EXOC3: variants seen among roughly 807,000 people sequenced by gnomAD.
The protein encoded by EXOC3 is exocyst complex component 3.
A neutral mutation model predicts 73.7 loss-of-function variants in EXOC3; 21 were observed. The ratio of observed to expected loss-of-function variants is 0.29; its 90% CI spans 0.20 to 0.41. The LOEUF is 0.41. EXOC3 is among the 10% of genes least tolerant of loss of function. The pLI, the probability that EXOC3 is intolerant of heterozygous loss-of-function variation, is 1.00. For synonymous variants in EXOC3, 410 were observed against 389.1 expected, an observed-to-expected ratio of 1.05 and a Z score of -0.63; for missense variants, 842 against 985.1, an observed-to-expected ratio of 0.85 and a Z score of 1.95.
In EXOC3 at chr5:453,452, G is replaced by A. The variant is rs2672722; in HGVS notation, c.447G>A (p.Glu149=). ...CCCACCGGAAGCTGATGGACCTGGA[G>A]TGCTCCCGGGACGGGCTGATGTACG... ...LQAHRKLMDL[E]CSRDGLMYEQ... Residue 149 remains glutamate, a synonymous_variant, in exon 4 of 13, where the codon GAG becomes GAA. Coordinates refer to ENST00000512944, the MANE Select transcript of EXOC3 (RefSeq NM_007277.5). 0.49 allele frequency: 796,290 copies of A among 1,610,218 alleles called. 200,844 individuals are homozygous for A. Among genetic ancestry groups the A allele is most frequent in the African/African-American group, 0.76 (56,797 of 74,862 alleles).
chr5:465,965 G>C (rs987088451), intron 12 of EXOC3, 120 bp downstream of exon 12: 4 of 1,118,098 alleles, frequency 3.6e-6, no homozygotes, highest in Non-Finnish European at 5.1e-6. Context: ...AGCACGGCAA[G>C]GGTTCAGGTG....
chr5:446,088 C>A, intron 1 of EXOC3, 62 bp from the exon 2 acceptor site: 1 of 1,138,554 alleles, frequency 8.8e-7, no homozygotes, highest in Non-Finnish European at 1.3e-6. Flanking sequence ...CCACTGTGAT[C>A]ACCTGATAGT....
At chr5:465,898 A>G (rs1738133352) in intron 12 of EXOC3, 53 bp downstream of exon 12, 2 of 1,554,490 alleles carry the variant, frequency 1.3e-6, no homozygotes, top group Admixed American at 3.8e-5. Context: ...GTGGAGCGGC[A>G]GGTCCCTCCT....
Position 452,754 on chromosome 5 carries a change from C to T in EXOC3, c.365-616C>T, listed in dbSNP as rs1386301566. 3.3e-5 allele frequency among the ~76,000 whole-genome samples: 5 copies of T among 152,266 alleles called. No homozygotes were observed. In the South Asian group the frequency reaches 6.2e-4, roughly 19 times the overall value. On this transcript the variant is annotated intron_variant, in intron 3 of 12. Coordinates refer to ENST00000512944, the MANE Select transcript of EXOC3 (RefSeq NM_007277.5). ...AGGTCGTGTCAAGTCTTTTCTGAGC[C>T]TATGCCTTTGCCTGGGCATGCATTG...
chr5:458,459 G>A (rs774647180), intron 6 of EXOC3, among the ~76,000 whole-genome samples: 29 of 152,268 alleles, frequency 1.9e-4, no homozygotes, highest in South Asian at 4.1e-4. Context: ...GCTGGAGTGC[G>A]GTAGCACAAT....
chr5:464,910 G>A lies in EXOC3; in HGVS notation c.1777-201G>A, dbSNP rs377365594. On this transcript the variant is annotated intron_variant, in intron 10 of 12. Transcript: ENST00000512944. ...CTGGGGGCCGGAGCTGGCCTGGTGC[G>A]GGGGTCCAGGTCACCGTCACTGTTC... 6.1e-4 allele frequency: 371 copies of A among 612,384 alleles called. 9 individuals carry two copies. In the South Asian group the frequency reaches 7.3e-3, roughly 12 times the overall value. 37.9% of individuals were successfully genotyped at this position (612,384 alleles called of 1,614,324 possible).
chr5:458,538 C>G (rs917267868), intron 6 of EXOC3, among the ~76,000 whole-genome samples: 5 of 152,192 alleles, frequency 3.3e-5, no homozygotes, highest in Admixed American at 3.3e-4. Flanking sequence ...CTTTCCTGTT[C>G]ATTGGTTAAG....
chr5:454,163 C>T, intron 4 of EXOC3, 112 bp downstream of exon 4: 1 of 852,020 alleles, frequency 1.2e-6, no homozygotes, highest in Non-Finnish European at 1.8e-6. Flanking sequence ...GGCAGGTGCT[C>T]CGAGCCCACA....
chr5:465,964 A>AGGGTTCAGGTGCGGCACAGCG, intron 12 of EXOC3, 119 bp downstream of exon 12: 1 of 1,131,430 alleles, frequency 8.8e-7, no homozygotes, highest in South Asian at 1.5e-5. Flanking sequence ...CAGCACGGCA[A>AGGGTTCAGGTGCGGCACAGCG]GGGTTCAGGT....
chr5:459,678 T>C (rs2561664), intron 7 of EXOC3: 364,984 of 424,682 alleles, frequency 0.86, 158,655 homozygotes, highest in African/African-American at 0.91. Context: ...CTCCCAGAGC[T>C]GATGTGTTGT....
intron 7 of EXOC3, among the ~76,000 whole-genome samples, chr5:460,252 A>G (rs1737945924): frequency 6.6e-6 from 1 of 152,204 alleles, no homozygotes; most frequent in African/African-American, 2.4e-5. Flanking sequence ...GCCTCTGGTA[A>G]GCCGAATAGC....
chr5:462,521 A>AT (rs746893402), intron 9 of EXOC3: 591 of 570,406 alleles, frequency 1.0e-3, no homozygotes, highest in Non-Finnish European at 1.4e-3. Context: ...AATTCAGTAG[A>AT]TTCACCCTGT....
chr5:447,489 T>C (rs1326191400), intron 2 of EXOC3, 44 bp from the exon 3 acceptor site: 3 of 1,397,412 alleles, frequency 2.1e-6, no homozygotes, highest in African/African-American at 2.9e-5. Context: ...AGGCAGCGCA[T>C]GGCTATCATT....
intron 7 of EXOC3, among the ~76,000 whole-genome samples, chr5:459,775 G>A (rs1241205780): frequency 1.3e-5 from 2 of 152,206 alleles, no homozygotes; most frequent in African/African-American, 4.8e-5. Flanking sequence ...TTGGGGTGGG[G>A]GTGGCGACTC....
At chr5:465,692 C>T in intron 11 of EXOC3, 26 bp from the exon 12 acceptor site, 1 of 1,613,376 alleles carries the variant, frequency 6.2e-7, no homozygotes. Context: ...CCGAGGGCGG[C>T]TCCTCACATT....
intron 10 of EXOC3, 27 bp downstream of exon 10, chr5:464,439 A>ATCACCTTGG: frequency 1.2e-6 from 2 of 1,610,530 alleles, no homozygotes; most frequent in Non-Finnish European, 1.7e-6. Context: ...TAGTTCCCTC[A>ATCACCTTGG]TCACCTTGAC....
Position 446,141 on chromosome 5 carries a change from C to T in EXOC3, c.-56-9C>T, listed in dbSNP as rs1408697370. Reference sequence around the variant, plus strand: ...CCTAACATTTCTACCGTCCTAACAACTCCTGCAGTGCACAGAGAACACCCC... The same window carrying T: ...CCTAACATTTCTACCGTCCTAACAATTCCTGCAGTGCACAGAGAACACCCC... On this transcript the variant is annotated splice_polypyrimidine_tract_variant and intron_variant, in intron 1 of 12. Transcript: ENST00000512944. 1.3e-6 allele frequency: 2 copies of T among 1,595,820 alleles called. No individual in the cohort carries two copies. The highest frequency in any genetic ancestry group is 2.2e-5 in the East Asian group (1 of 44,762).
chr5:462,141 A>T lies in EXOC3; in HGVS notation c.1503-16A>T. 3.1e-6 allele frequency: 5 copies of T among 1,613,646 alleles called. No homozygotes were observed. The highest frequency in any genetic ancestry group is 4.2e-6 in the Non-Finnish European group (5 of 1,179,696). ...CTGCCCAGCCGCTGTGTTGAACCTG[A>T]ACCCTTTCCTTGCAGGGAATCCATA... On this transcript the variant is annotated splice_polypyrimidine_tract_variant and intron_variant, in intron 8 of 12. Coordinates refer to ENST00000512944, the MANE Select transcript of EXOC3 (RefSeq NM_007277.5).
chr5:445,583 TG>T (rs1375354412), intron 1 of EXOC3, among the ~76,000 whole-genome samples: 2 of 152,322 alleles, frequency 1.3e-5, no homozygotes, highest in East Asian at 3.9e-4. Context: ...CTCGATCTCC[TG>T]ACCTCGTGAT....
Sources: allele counts gnomAD v4.1 joint callset (sites outside exome capture counted in the v4.1 genomes callset), GRCh38; gene constraint gnomAD v4.1.1; transcripts MANE v1.5; gene names NCBI Gene and HGNC (gene_info 2026-07-23, HGNC 2026-07-21).